The following INPP5A variants were observed in gnomAD, a reference collection of about 807,000 sequenced individuals.
INPP5A encodes inositol polyphosphate-5-phosphatase A, also known as 43 kDa inositol polyphosphate 5-phophatase.
In INPP5A, 14 loss-of-function variants were observed where a neutral mutation model predicts 65.2. The ratio of observed to expected loss-of-function variants is 0.21; its 90% CI spans 0.14 to 0.34. INPP5A has a LOEUF of 0.34. INPP5A is among the 10% of genes least tolerant of loss of function. The pLI is 1.00. For missense variants in INPP5A, 431 were observed against 545.6 expected, an observed-to-expected ratio of 0.79 and a Z score of 2.09; for synonymous variants, 207 against 208.3, an observed-to-expected ratio of 0.99 and a Z score of 0.05.
intron 2 of INPP5A, among the ~76,000 whole-genome samples, chr10:132,641,474 T>A (rs767043648): frequency 3.3e-5 from 5 of 152,252 alleles, no homozygotes; most frequent in Admixed American, 2.0e-4. Flanking sequence ...ATGTCTTCCT[T>A]CTCCTTCATG....
chr10:132,680,915 C>T (rs983615629), intron 4 of INPP5A, among the ~76,000 whole-genome samples: 6 of 152,258 alleles, frequency 3.9e-5, no homozygotes, highest in Non-Finnish European at 2.9e-5. Context: ...ACCTGCAGCC[C>T]GCCATGCCTG....
At chr10:132,628,707 T>A (rs2072226858) in intron 2 of INPP5A, among the ~76,000 whole-genome samples, 1 of 152,210 alleles carries the variant, frequency 6.6e-6, no homozygotes, top group South Asian at 2.1e-4. Context: ...TTAACAATTT[T>A]TATAAAGAAC....
intron 2 of INPP5A, among the ~76,000 whole-genome samples, chr10:132,609,282 C>G (rs2071908335): frequency 6.6e-6 from 1 of 152,224 alleles, no homozygotes; most frequent in Admixed American, 6.5e-5. Flanking sequence ...GCTCAGCGCT[C>G]ACTTGGAGAA....
At chr10:132,614,522 T>G (rs1003959443) in intron 2 of INPP5A, among the ~76,000 whole-genome samples, 10 of 152,218 alleles carry the variant, frequency 6.6e-5, no homozygotes, top group Non-Finnish European at 1.5e-4. Context: ...TGTGCTGGCC[T>G]CCTCAGCTGT....
At chr10:132,691,716 T>C (rs1845266175) in intron 5 of INPP5A, among the ~76,000 whole-genome samples, 1 of 151,828 alleles carries the variant, frequency 6.6e-6, no homozygotes, top group African/African-American at 2.4e-5. Flanking sequence ...ACATGAGGAG[T>C]GGGCAGCGAG....
chr10:132,591,840 C>T (rs975137467), intron 1 of INPP5A, among the ~76,000 whole-genome samples: 1 of 152,162 alleles, frequency 6.6e-6, no homozygotes, highest in African/African-American at 2.4e-5. Context: ...TTCCCTCCCC[C>T]GATATGTCAG....
intron 8 of INPP5A, among the ~76,000 whole-genome samples, chr10:132,725,574 G>T (rs979244464): frequency 7.2e-5 from 11 of 152,208 alleles, no homozygotes; most frequent in Non-Finnish European, 1.5e-5. Context: ...TGGGCCCCCT[G>T]CCTCCCGGCC....
chr10:132,618,745 G>A (rs2072075057), intron 2 of INPP5A, among the ~76,000 whole-genome samples: 2 of 152,196 alleles, frequency 1.3e-5, no homozygotes, highest in Non-Finnish European at 2.9e-5. Flanking sequence ...TCAGGCAGAA[G>A]GCAAAGGGGG....
intron 9 of INPP5A, among the ~76,000 whole-genome samples, chr10:132,739,032 C>T (rs76187638): frequency 2.6e-5 from 4 of 152,272 alleles, no homozygotes; most frequent in Non-Finnish European, 5.9e-5. Flanking sequence ...CTTGGGAAGT[C>T]AAAGTAAGGG....
rs1032548646 is a variant in INPP5A, at chr10:132,607,793, G to A, written c.76-122G>A. 4.2e-5 allele frequency: 40 copies of A among 958,536 alleles called. No individual in the cohort carries two copies. The South Asian group carries it at 4.7e-4, about 11-fold the overall frequency. The allele number at this position is 958,536 out of a possible 1,614,324, so 59.4% of individuals were successfully genotyped here. On this transcript the variant is annotated intron_variant, in intron 1 of 15. Coordinates refer to ENST00000368594, the MANE Select transcript of INPP5A (RefSeq NM_005539.5). ...CCGTGCGGGTGGAGCTCCTCCATGCGGGGTGGGCCCGGGCTGCGCCTCTGC... is the reference window on the plus strand; with the variant it reads ...CCGTGCGGGTGGAGCTCCTCCATGCAGGGTGGGCCCGGGCTGCGCCTCTGC...
intron 4 of INPP5A, among the ~76,000 whole-genome samples, chr10:132,670,677 T>TG (rs1259783917): frequency 6.6e-6 from 1 of 151,676 alleles, no homozygotes; most frequent in Non-Finnish European, 1.5e-5. Flanking sequence ...GAGGTCCCAG[T>TG]GGGGAGCCTG....
intron 9 of INPP5A, among the ~76,000 whole-genome samples, chr10:132,736,371 C>T (rs766540977): frequency 2.4e-4 from 36 of 152,250 alleles, no homozygotes; most frequent in Non-Finnish European, 2.6e-4. Flanking sequence ...GTGATGGATG[C>T]GTCTTTGGAG....
At chr10:132,619,928 G>T (rs749687864) in intron 2 of INPP5A, among the ~76,000 whole-genome samples, 1 of 152,240 alleles carries the variant, frequency 6.6e-6, no homozygotes, top group East Asian at 1.9e-4. Flanking sequence ...GGGATTACAG[G>T]TGTGAGCCAC....
rs900295962 is a variant in INPP5A at position 132,672,776 on chromosome 10, C to G, written c.307-17616C>G. On this transcript the variant is annotated intron_variant, in intron 4 of 15. Coordinates refer to ENST00000368594, the MANE Select transcript of INPP5A (RefSeq NM_005539.5). Reference sequence around the variant, plus strand: ...TCCCCCTCTGCATTCCCTCTAGGTTCCAGTTACATGTGCGTTGGACCCCAC... The same window carrying G: ...TCCCCCTCTGCATTCCCTCTAGGTTGCAGTTACATGTGCGTTGGACCCCAC... 6.4e-4 allele frequency among the ~76,000 whole-genome samples: 98 copies of G among 152,226 alleles called. 1 individual carries two copies. The highest frequency in any genetic ancestry group is 1.2e-4 in the Non-Finnish European group (8 of 68,040).
chr10:132,683,121 C>T (rs113819535), intron 4 of INPP5A, among the ~76,000 whole-genome samples: 2 of 150,834 alleles, frequency 1.3e-5, no homozygotes, highest in Non-Finnish European at 1.5e-5. Flanking sequence ...GTGGAGGGCA[C>T]GTGTCTGCCG....
At chr10:132,561,145 C>T (rs1447209893) in intron 1 of INPP5A, among the ~76,000 whole-genome samples, 1 of 150,680 alleles carries the variant, frequency 6.6e-6, no homozygotes, top group Middle Eastern at 3.2e-3. Context: ...TCATTGCAAC[C>T]TCGACCTCCT....
intron 4 of INPP5A, among the ~76,000 whole-genome samples, chr10:132,683,473 T>A (rs986093360): frequency 4.0e-5 from 6 of 151,744 alleles, no homozygotes; most frequent in African/African-American, 1.5e-4. Context: ...CATGTTTAAT[T>A]CACGTGTACA....
At chr10:132,559,010 C>G (rs539524290) in intron 1 of INPP5A, among the ~76,000 whole-genome samples, 1 of 152,232 alleles carries the variant, frequency 6.6e-6, no homozygotes, top group African/African-American at 2.4e-5. Flanking sequence ...TCGGCCTCCT[C>G]GGGACAGTCC....
chr10:132,718,493 C>T (rs116365440), intron 8 of INPP5A, among the ~76,000 whole-genome samples: 25,545 of 147,420 alleles, frequency 0.17, 2,437 homozygotes, highest in Admixed American at 0.23. Context: ...TCTCTCTGGG[C>T]GCCTTAGATG....
Sources: gnomAD v4.1 joint callset for allele counts (sites outside exome capture counted in the v4.1 genomes callset) on GRCh38, gnomAD v4.1.1 for gene constraint, MANE v1.5 for transcripts, NCBI Gene and HGNC (gene_info 2026-07-23, HGNC 2026-07-21) for gene names.